The following BMP5 variants were observed in gnomAD, a reference collection of about 807,000 sequenced individuals.
BMP5 encodes the protein bone morphogenetic protein 5.
A neutral mutation model predicts 46.6 loss-of-function variants in BMP5; 23 were observed. The ratio of observed to expected loss-of-function variants is 0.49; its 90% CI spans 0.35 to 0.70. The LOEUF (loss-of-function observed/expected upper bound fraction) is 0.70, where lower values mean the gene tolerates loss of function less well. BMP5 is among the 30% of genes least tolerant of loss of function. The probability of loss-of-function intolerance (pLI) is 0.00; values close to 1 mark genes in which losing one functional copy is unlikely to be tolerated. For synonymous variants in BMP5, 204 were observed against 191.9 expected (o/e 1.06, Z -0.52); for missense variants, 545 against 565.6 (o/e 0.96, Z 0.37).
chr6:55,862,058 G>A (rs959907772), intron 1 of BMP5, among the ~76,000 whole-genome samples: 1 of 152,210 alleles, frequency 6.6e-6, no homozygotes, highest in Non-Finnish European at 1.5e-5. Context: ...CACTACGCTA[G>A]CTGTAGCAAA....
At chr6:55,808,332 T>C (rs1018005031) in intron 2 of BMP5, among the ~76,000 whole-genome samples, 3 of 151,884 alleles carry the variant, frequency 2.0e-5, no homozygotes, top group African/African-American at 4.8e-5. Context: ...TCTCCCTGGG[T>C]CCAGCTAAGG....
At chr6:55,796,017 C>G (rs1034490276) in intron 2 of BMP5, among the ~76,000 whole-genome samples, 2 of 152,104 alleles carry the variant, frequency 1.3e-5, no homozygotes, top group Non-Finnish European at 2.9e-5. Context: ...AATAAGCAGA[C>G]AAGAAAATAA....
intron 3 of BMP5, among the ~76,000 whole-genome samples, chr6:55,792,024 C>T (rs942225370): frequency 1.2e-4 from 19 of 152,168 alleles, no homozygotes; most frequent in Non-Finnish European, 1.9e-4. Context: ...GTGCTTTACT[C>T]AGTCTACATT....
At chr6:55,863,640 C>T (rs1777573998) in intron 1 of BMP5, among the ~76,000 whole-genome samples, 1 of 152,118 alleles carries the variant, frequency 6.6e-6, no homozygotes, top group Non-Finnish European at 1.5e-5. Context: ...GATAAGCAGC[C>T]ACATAATGAC....
intron 1 of BMP5, among the ~76,000 whole-genome samples, chr6:55,829,614 A>G (rs1562059129): frequency 6.6e-6 from 1 of 151,938 alleles, no homozygotes; most frequent in Non-Finnish European, 1.5e-5. Flanking sequence ...GTTGGTACTT[A>G]AAAACATATG....
chr6:55,808,451 G>A (rs934762665), intron 2 of BMP5, among the ~76,000 whole-genome samples: 1 of 152,146 alleles, frequency 6.6e-6, no homozygotes, highest in African/African-American at 2.4e-5. Flanking sequence ...CCTCCCCCAA[G>A]GACCTCAAAT....
chr6:55,811,688 C>T (rs62406254), intron 2 of BMP5, among the ~76,000 whole-genome samples: 2 of 150,118 alleles, frequency 1.3e-5, no homozygotes, highest in Non-Finnish European at 3.0e-5. Flanking sequence ...TCTCTTTCTC[C>T]CTCTCTCTCT....
intron 4 of BMP5, among the ~76,000 whole-genome samples, chr6:55,761,482 C>T (rs1162536344): frequency 6.6e-6 from 1 of 151,910 alleles, no homozygotes; most frequent in African/African-American, 2.4e-5. Flanking sequence ...TCATTTGATC[C>T]TATTACCCCT....
intron 4 of BMP5, among the ~76,000 whole-genome samples, chr6:55,767,241 A>T (rs2127518301): frequency 6.6e-6 from 1 of 152,114 alleles, no homozygotes; most frequent in East Asian, 1.9e-4. Context: ...TCCTGTGACC[A>T]CAGGTATGAG....
intron 2 of BMP5, among the ~76,000 whole-genome samples, chr6:55,796,769 C>T (rs949127961): frequency 8.0e-5 from 12 of 149,854 alleles, no homozygotes; most frequent in Non-Finnish European, 1.8e-4. Context: ...TTTGTTCTTG[C>T]GATAGTTTAC....
At position 55,754,724 on chromosome 6, in the gene BMP5, C is replaced by T. The variant is rs1774537372; in HGVS notation, c.*809G>A. ...TTTATTTTGGACTAGGTTTTTAAAT[C>T]TGAAAAAAAAATTCTGCAGCAGTAG... On this transcript the variant is annotated 3_prime_UTR_variant, in exon 7 of 7. Coordinates refer to ENST00000370830, the MANE Select transcript of BMP5 (RefSeq NM_021073.4). 1 of 151,554 alleles carries T rather than the reference C, an allele frequency of 6.6e-6. No homozygotes were observed. The allele number at this position is 151,554 out of a possible 1,614,324, so 9.4% of individuals were successfully genotyped here.
In BMP5 at chr6:55,794,847, G is replaced by A. The variant is rs58467284; in HGVS notation, c.684-420C>T. On this transcript the variant is annotated intron_variant, in intron 2 of 6. Coordinates refer to ENST00000370830, the MANE Select transcript of BMP5 (RefSeq NM_021073.4). ...TTCTCAAATGAATGGAACACAGGCA[G>A]GATGTAATGCAATCATCTGTTTTAG... Among the ~76,000 whole-genome samples, 362 of 152,180 alleles carry A rather than the reference G, an allele frequency of 2.4e-3. 1 individual carries two copies. Among genetic ancestry groups the A allele is most frequent in the African/African-American group, 8.4e-3 (350 of 41,536 alleles).
intron 2 of BMP5, among the ~76,000 whole-genome samples, chr6:55,802,220 T>C (rs148378648): frequency 3.3e-5 from 5 of 152,266 alleles, no homozygotes; most frequent in South Asian, 4.2e-4. Context: ...CAATGCTAAC[T>C]CTAGTGTCCA....
At chr6:55,865,292 T>C in intron 1 of BMP5, 1 of 373,666 alleles carries the variant, frequency 2.7e-6, no homozygotes. Context: ...TATCTTCTAA[T>C]TGTATATTAC....
At chr6:55,854,948 A>G (rs1777349681) in intron 1 of BMP5, among the ~76,000 whole-genome samples, 1 of 152,108 alleles carries the variant, frequency 6.6e-6, no homozygotes, top group Non-Finnish European at 1.5e-5. Context: ...AAAAAATACT[A>G]TGCAGTTTTT....
At chr6:55,795,537 T>C (rs1775690212) in intron 2 of BMP5, among the ~76,000 whole-genome samples, 1 of 152,082 alleles carries the variant, frequency 6.6e-6, no homozygotes, top group Non-Finnish European at 1.5e-5. Flanking sequence ...ACTTTAAGGG[T>C]GGCTTACAAA....
chr6:55,824,439 G>C (rs1179936675), intron 1 of BMP5, among the ~76,000 whole-genome samples: 1 of 151,758 alleles, frequency 6.6e-6, no homozygotes, highest in Non-Finnish European at 1.5e-5. Flanking sequence ...ATCAGATATA[G>C]ATACACAAGA....
In BMP5 at chr6:55,797,614, C is replaced by T. The variant is rs866750981; in HGVS notation, c.684-3187G>A. 7.5e-3 allele frequency among the ~76,000 whole-genome samples: 829 copies of T among 110,404 alleles called. 8 individuals carry two copies. Among genetic ancestry groups the T allele is most frequent in the Middle Eastern group, 0.032 (5 of 156 alleles). 72.4% of individuals were successfully genotyped at this position (110,404 alleles called of 152,430 possible). ...ATGGTGTTTGTGATTATTTTCTTTT[C>T]TTTTTTTTTTTTTTTTTTTTGAGAC... On this transcript the variant is annotated intron_variant, in intron 2 of 6. Coordinates refer to ENST00000370830, the MANE Select transcript of BMP5 (RefSeq NM_021073.4).
intron 1 of BMP5, among the ~76,000 whole-genome samples, chr6:55,862,812 C>G (rs922178943): frequency 5.3e-5 from 8 of 152,130 alleles, no homozygotes; most frequent in Non-Finnish European, 1.2e-4. Flanking sequence ...AGCTTTGCTG[C>G]GACTTGGTTT....
Sources: allele counts gnomAD v4.1 joint callset (sites outside exome capture counted in the v4.1 genomes callset), GRCh38; gene constraint gnomAD v4.1.1; transcripts MANE v1.5; gene names NCBI Gene and HGNC (gene_info 2026-07-23, HGNC 2026-07-21).